Variants in CFAP107 observed in about 807,000 individuals in gnomAD.
CFAP107 encodes cilia- and flagella-associated protein 107.
At chr1:12,755,311 A>G in the CFAP107 span, among the ~76,000 whole-genome samples, 90 of 152,274 alleles carry the variant, frequency 5.9e-4, no homozygotes, top group African/African-American at 1.9e-3. Flanking sequence ...AGGCTGAGAC[A>G]GGGGAATTGC....
At chr1:12,751,975 C>A in the CFAP107 span, among the ~76,000 whole-genome samples, 1 of 152,066 alleles carries the variant, frequency 6.6e-6, no homozygotes, top group Non-Finnish European at 1.5e-5. Flanking sequence ...CCAAAAATCT[C>A]CCAACAAAGG....
At chr1:12,755,404 CAA>C in the CFAP107 span, among the ~76,000 whole-genome samples, 1 of 143,006 alleles carries the variant, frequency 7.0e-6, no homozygotes. Flanking sequence ...ACTCCATGTC[CAA>C]AAAAAAAAAG....
At chr1:12,760,655 G>A in the CFAP107 span, 1 of 1,075,096 alleles carries the variant, frequency 9.3e-7, no homozygotes, top group Admixed American at 2.4e-5. Flanking sequence ...GTCCCTGACA[G>A]AGCAGCCTGG....
chr1:12,760,740 C>G, the CFAP107 span: 1 of 1,601,868 alleles, frequency 6.2e-7, no homozygotes, highest in Non-Finnish European at 8.5e-7. Flanking sequence ...CTGTAAGCCC[C>G]ATTCAACTGG....
chr1:12,757,957 C>G, the CFAP107 span, among the ~76,000 whole-genome samples: 1 of 152,150 alleles, frequency 6.6e-6, no homozygotes, highest in African/African-American at 2.4e-5. Flanking sequence ...TGCCTTAAAT[C>G]ACCCCAGGGC....
chr1:12,748,676 G>T, the CFAP107 span, among the ~76,000 whole-genome samples: 9 of 151,000 alleles, frequency 6.0e-5, no homozygotes, highest in Non-Finnish European at 8.8e-5. Context: ...ATCACCAGAC[G>T]TATGAAGATA....
At chr1:12,757,537 C>G in the CFAP107 span, among the ~76,000 whole-genome samples, 1 of 151,956 alleles carries the variant, frequency 6.6e-6, no homozygotes, top group South Asian at 2.1e-4. Context: ...TGTGTGCCAA[C>G]ACAGCTGGCT....
chr1:12,746,376 C>T, the CFAP107 span: 4 of 1,450,066 alleles, frequency 2.8e-6, no homozygotes, highest in South Asian at 1.2e-5. Flanking sequence ...CTTCCTCTCC[C>T]CGCCTGAAGC....
chr1:12,751,894 A>G, the CFAP107 span, among the ~76,000 whole-genome samples: 334 of 152,326 alleles, frequency 2.2e-3, 1 homozygote, highest in African/African-American at 7.5e-3. Flanking sequence ...TATACAATCT[A>G]TCGAGACTGA....
chr1:12,761,030 C>A, the CFAP107 span: 3 of 1,363,624 alleles, frequency 2.2e-6, no homozygotes, highest in South Asian at 1.4e-5. Flanking sequence ...CAACAAGTGG[C>A]GCAGATAAAC....
At chr1:12,746,401 A>G in the CFAP107 span, 1 of 1,576,752 alleles carries the variant, frequency 6.3e-7, no homozygotes, top group Non-Finnish European at 8.7e-7. Context: ...AACTGCATCA[A>G]GTCAAAGAAA....
the CFAP107 span, chr1:12,746,486 A>C: frequency 6.2e-7 from 1 of 1,613,830 alleles, no homozygotes; most frequent in Non-Finnish European, 8.5e-7. Flanking sequence ...TGGCAGATTG[A>C]GACCAAGTAT....
chr1:12,761,026 G>A, the CFAP107 span: 1 of 1,396,672 alleles, frequency 7.2e-7, no homozygotes, highest in Non-Finnish European at 9.7e-7. Context: ...CAGACAACAA[G>A]TGGCGCAGAT....
chr1:12,753,935 C>T, the CFAP107 span: 1 of 151,770 alleles, frequency 6.6e-6, no homozygotes, highest in Non-Finnish European at 1.5e-5. Flanking sequence ...AAGAAGAAAA[C>T]ATCGGGGAAA....
the CFAP107 span, chr1:12,760,969 G>A: frequency 3.8e-6 from 6 of 1,599,248 alleles, no homozygotes; most frequent in Non-Finnish European, 8.5e-7. Context: ...CACCCCAGGA[G>A]CAGCTCAGAT....
chr1:12,759,476 T>C, the CFAP107 span: 5 of 1,614,078 alleles, frequency 3.1e-6, no homozygotes, highest in African/African-American at 6.7e-5. Flanking sequence ...AAGTCTGACT[T>C]TCCCCTTCTT....
the CFAP107 span, among the ~76,000 whole-genome samples, chr1:12,758,232 C>T: frequency 6.6e-6 from 1 of 152,186 alleles, no homozygotes; most frequent in Non-Finnish European, 1.5e-5. Context: ...TCAAAGGTAG[C>T]TGTCTCTGTG....
At chr1:12,756,786 C>A in the CFAP107 span, among the ~76,000 whole-genome samples, 4 of 152,258 alleles carry the variant, frequency 2.6e-5, no homozygotes, top group Admixed American at 6.5e-5. Flanking sequence ...CTCAGCGGCC[C>A]GAGGTGTGAA....
At chr1:12,748,192 T>C in the CFAP107 span, among the ~76,000 whole-genome samples, 1 of 152,136 alleles carries the variant, frequency 6.6e-6, no homozygotes, top group African/African-American at 2.4e-5. Flanking sequence ...TGTCTGGGGC[T>C]GCCTGAGGGA....
Sources: allele counts gnomAD v4.1 joint callset (sites outside exome capture counted in the v4.1 genomes callset), GRCh38; gene constraint gnomAD v4.1.1; transcripts MANE v1.5; gene names NCBI Gene and HGNC (gene_info 2026-07-23, HGNC 2026-07-21).